Variants in MEI4 observed in about 807,000 individuals in gnomAD.
The protein encoded by MEI4 is meiotic double-stranded break formation protein 4.
A neutral mutation model predicts 31.4 loss-of-function variants in MEI4; 27 were observed. The ratio of observed to expected loss-of-function variants is 0.86; its 90% CI spans 0.63 to 1.19. The LOEUF is 1.19. Ranked by LOEUF, MEI4 falls within the 50% of genes most tolerant of loss-of-function variation. The pLI is 0.00. For missense variants in MEI4, 329 were observed against 398.9 expected (o/e 0.82, Z 1.49); for synonymous variants, 122 against 145.4 (o/e 0.84, Z 1.16).
intron 2 of MEI4, among the ~76,000 whole-genome samples, chr6:77,696,307 T>G (rs2127654264): frequency 6.6e-6 from 1 of 152,304 alleles, no homozygotes; most frequent in Non-Finnish European, 1.5e-5. Context: ...CTATGTTGAA[T>G]AGGAGTGGTG....
intron 3 of MEI4, among the ~76,000 whole-genome samples, chr6:77,779,335 C>T (rs952448445): frequency 6.6e-5 from 10 of 152,100 alleles, no homozygotes; most frequent in African/African-American, 2.4e-4. Context: ...GAAAGGTGTT[C>T]CAAGTCATAA....
At chr6:77,659,143 A>G (rs1039709287) in intron 1 of MEI4, among the ~76,000 whole-genome samples, 15 of 152,204 alleles carry the variant, frequency 9.9e-5, no homozygotes, top group Non-Finnish European at 1.8e-4. Flanking sequence ...AATGCCTGCT[A>G]TTCCAGTACC....
Position 77,744,764 on chromosome 6 carries a change from C to G in MEI4, c.233-16366C>G, listed in dbSNP as rs575583278. 6.6e-3 allele frequency among the ~76,000 whole-genome samples: 999 copies of G among 152,244 alleles called. 6 individuals are homozygous for G. Among genetic ancestry groups the G allele is most frequent in the Middle Eastern group, 0.017 (5 of 294 alleles). Reference sequence around the variant, plus strand: ...AGGGGAAGCCCATCAGACTAACAGTCGATCTCTCGGCAGAAACCCTAGAAG... The same window carrying G: ...AGGGGAAGCCCATCAGACTAACAGTGGATCTCTCGGCAGAAACCCTAGAAG... On this transcript the variant is annotated intron_variant, in intron 2 of 4. Transcript: ENST00000684080.
chr6:77,698,055 T>C (rs2127655055), intron 2 of MEI4, among the ~76,000 whole-genome samples: 2 of 152,340 alleles, frequency 1.3e-5, no homozygotes, highest in Middle Eastern at 3.4e-3. Flanking sequence ...TTTGTTGGTT[T>C]AAAGTCTGTT....
intron 2 of MEI4, among the ~76,000 whole-genome samples, chr6:77,712,321 A>C (rs937082816): frequency 3.3e-5 from 5 of 152,302 alleles, no homozygotes; most frequent in Admixed American, 1.3e-4. Flanking sequence ...CAAGCTGTTA[A>C]ATTTACTTAA....
chr6:77,655,439 C>A (rs1044137780), intron 1 of MEI4, among the ~76,000 whole-genome samples: 2 of 152,184 alleles, frequency 1.3e-5, no homozygotes, highest in Non-Finnish European at 2.9e-5. Flanking sequence ...ACCAACATTT[C>A]TTCTTCCGTT....
chr6:77,739,360 T>C (rs1042639643), intron 2 of MEI4, among the ~76,000 whole-genome samples: 2 of 152,206 alleles, frequency 1.3e-5, no homozygotes, highest in African/African-American at 4.8e-5. Flanking sequence ...CATTGCTTGT[T>C]GGCACATACA....
intron 4 of MEI4, among the ~76,000 whole-genome samples, chr6:77,858,255 T>C (rs1275130479): frequency 6.6e-6 from 1 of 152,194 alleles, no homozygotes; most frequent in African/African-American, 2.4e-5. Context: ...GTTGGACTTT[T>C]ATTTTTATTT....
At position 77,753,045 on chromosome 6, in the gene MEI4, C is replaced by G. The variant is rs148507529; in HGVS notation, c.233-8085C>G. Among the ~76,000 whole-genome samples, 1,192 of 152,252 alleles carry G rather than the reference C, an allele frequency of 7.8e-3. 18 individuals are homozygous for G. The highest frequency in any genetic ancestry group is 0.028 in the African/African-American group (1,143 of 41,550). ...AAATGGTTTTGGGAAAACTGGCTAG[C>G]CATATGCAGAAAGCTGAAACTGGAT... is the stretch of plus-strand genomic sequence containing the variant. On this transcript the variant is annotated intron_variant, in intron 2 of 4. Transcript: ENST00000684080.
intron 3 of MEI4, among the ~76,000 whole-genome samples, chr6:77,791,224 A>T (rs1232611538): frequency 2.0e-5 from 3 of 152,164 alleles, no homozygotes; most frequent in Non-Finnish European, 4.4e-5. Context: ...ATAAAGACAC[A>T]TGCACACGTA....
At chr6:77,735,128 C>G (rs1007259800) in intron 2 of MEI4, among the ~76,000 whole-genome samples, 1 of 151,828 alleles carries the variant, frequency 6.6e-6, no homozygotes, top group Non-Finnish European at 1.5e-5. Context: ...TTGCTCTTCT[C>G]GAGGAGTATC....
chr6:77,705,397 G>A (rs1389716381), intron 2 of MEI4, among the ~76,000 whole-genome samples: 1 of 152,094 alleles, frequency 6.6e-6, no homozygotes, highest in African/African-American at 2.4e-5. Flanking sequence ...TAGGCAATAA[G>A]ACAAAACAAA....
rs1007095490 is a variant in MEI4 at position 77,812,291 on chromosome 6, C to A, written c.769-16640C>A. Among the ~76,000 whole-genome samples the A allele has an allele frequency of 2.0e-5, 3 of 150,702 alleles. No individual in the cohort carries two copies. In the East Asian group the frequency reaches 5.8e-4, roughly 29 times the overall value. On this transcript the variant is annotated intron_variant, in intron 3 of 4. Transcript: ENST00000684080. ...TTGTTAATGATCAAAAATTTGAATA[C>A]CCACAAAAATAAAAAATACAAATAA...
intron 4 of MEI4, among the ~76,000 whole-genome samples, chr6:77,906,743 C>T (rs1766305247): frequency 6.6e-6 from 1 of 152,150 alleles, no homozygotes. Context: ...AGTAATGGCA[C>T]TGGGCTTAGG....
At chr6:77,699,695 C>T (rs1766164117) in intron 2 of MEI4, among the ~76,000 whole-genome samples, 1 of 152,052 alleles carries the variant, frequency 6.6e-6, no homozygotes, top group South Asian at 2.1e-4. Flanking sequence ...GTGTTTTTTC[C>T]CCATCTTTGT....
chr6:77,671,312 G>A (rs1341181476), intron 1 of MEI4, among the ~76,000 whole-genome samples: 1 of 151,924 alleles, frequency 6.6e-6, no homozygotes, highest in African/African-American at 2.4e-5. Context: ...TGCCTTCCCT[G>A]GCCTCCCAAA....
chr6:77,661,326 T>C (rs1202296330), intron 1 of MEI4, among the ~76,000 whole-genome samples: 1 of 152,090 alleles, frequency 6.6e-6, no homozygotes, highest in East Asian at 1.9e-4. Flanking sequence ...GCCGGTCCGT[T>C]ATCAGACTGT....
intron 4 of MEI4, among the ~76,000 whole-genome samples, chr6:77,850,134 C>T (rs938870607): frequency 1.3e-5 from 2 of 152,080 alleles, no homozygotes; most frequent in Non-Finnish European, 2.9e-5. Flanking sequence ...TTTCATTGAG[C>T]AGTGGTTTGT....
At position 77,926,856 on chromosome 6, in the gene MEI4, T is replaced by C. The variant is rs555517021; in HGVS notation, c.*3510T>C. 6 of 152,096 alleles carry C rather than the reference T, an allele frequency of 3.9e-5. No homozygotes were observed. In the East Asian group the frequency reaches 9.7e-4, roughly 25 times the overall value. The allele number at this position is 152,096 out of a possible 1,614,324, so 9.4% of individuals were successfully genotyped here. On this transcript the variant is annotated 3_prime_UTR_variant, in exon 5 of 5. Coordinates refer to ENST00000684080, the MANE Select transcript of MEI4 (RefSeq NM_001322247.2). Reference sequence around the variant, plus strand: ...GAAGGAGATAATTAACTTGTTAATGTTTATCTAATATTGAAAAAATATATA... The same window carrying C: ...GAAGGAGATAATTAACTTGTTAATGCTTATCTAATATTGAAAAAATATATA...
Sources: allele counts gnomAD v4.1 joint callset (sites outside exome capture counted in the v4.1 genomes callset), GRCh38; gene constraint gnomAD v4.1.1; transcripts MANE v1.5; gene names NCBI Gene and HGNC (gene_info 2026-07-23, HGNC 2026-07-21).